The following ZBTB20 variants were observed in gnomAD, a reference collection of about 807,000 sequenced individuals.
ZBTB20 encodes the protein zinc finger and BTB domain containing 20.
ZBTB20 carries 9 observed loss-of-function variants against 56.9 expected under a neutral mutation model. That is an observed-to-expected ratio of 0.16 (90% confidence interval 0.10 to 0.28). ZBTB20 has a LOEUF of 0.28. Ranked by LOEUF, ZBTB20 falls within the 10% of genes least tolerant of loss-of-function variation. ZBTB20 has a pLI of 1.00. For missense variants in ZBTB20, 655 were observed against 1,003.0 expected, an observed-to-expected ratio of 0.65 and a Z score of 4.69; for synonymous variants, 417 against 420.7, an observed-to-expected ratio of 0.99 and a Z score of 0.11.
intron 7 of ZBTB20, among the ~76,000 whole-genome samples, chr3:114,478,484 A>G (rs1023711175): frequency 6.6e-6 from 1 of 152,250 alleles, no homozygotes; most frequent in Non-Finnish European, 1.5e-5. Context: ...TTAAAAATGC[A>G]TATCTCATTC....
chr3:114,805,863 T>C (rs689287), intron 4 of ZBTB20, among the ~76,000 whole-genome samples: 4 of 151,836 alleles, frequency 2.6e-5, no homozygotes, highest in African/African-American at 7.3e-5. Context: ...CTCTTTCATG[T>C]AGCTTTTTCA....
chr3:114,555,198 A>C (rs2110227737), intron 6 of ZBTB20, among the ~76,000 whole-genome samples: 1 of 152,278 alleles, frequency 6.6e-6, no homozygotes, highest in Non-Finnish European at 1.5e-5. Context: ...TTTTTCCCTA[A>C]AGTCTCTCAG....
chr3:114,977,124 C>G (rs987219467), intron 2 of ZBTB20, among the ~76,000 whole-genome samples: 4 of 152,172 alleles, frequency 2.6e-5, no homozygotes, highest in African/African-American at 9.7e-5. Flanking sequence ...CATGAGGCCA[C>G]TCTCTTTACT....
At chr3:115,044,381 A>C (rs1159804689) in intron 2 of ZBTB20, among the ~76,000 whole-genome samples, 1 of 152,224 alleles carries the variant, frequency 6.6e-6, no homozygotes, top group African/African-American at 2.4e-5. Context: ...ATTTATAGGT[A>C]TCAGGCATAC....
intron 7 of ZBTB20, among the ~76,000 whole-genome samples, chr3:114,418,809 A>G (rs1363310472): frequency 2.0e-5 from 3 of 152,102 alleles, no homozygotes; most frequent in African/African-American, 4.8e-5. Flanking sequence ...TACACAGGAA[A>G]GCTATGGCTA....
At chr3:114,405,582 A>G (rs2108736048) in intron 7 of ZBTB20, among the ~76,000 whole-genome samples, 1 of 152,282 alleles carries the variant, frequency 6.6e-6, no homozygotes, top group South Asian at 2.1e-4. Flanking sequence ...GTGTATATTT[A>G]TATATCAATA....
At chr3:114,601,922 T>A (rs2056788705) in intron 6 of ZBTB20, among the ~76,000 whole-genome samples, 1 of 152,078 alleles carries the variant, frequency 6.6e-6, no homozygotes, top group East Asian at 1.9e-4. Flanking sequence ...CTGTCAATAA[T>A]CTAGGTTTGA....
chr3:114,397,815 A>G (rs1458896071), intron 7 of ZBTB20, among the ~76,000 whole-genome samples: 1 of 152,088 alleles, frequency 6.6e-6, no homozygotes, highest in Non-Finnish European at 1.5e-5. Context: ...AGACTCCCCC[A>G]TCCCCCTTTT....
At chr3:114,775,725 C>T (rs917046836) in intron 5 of ZBTB20, among the ~76,000 whole-genome samples, 19 of 152,268 alleles carry the variant, frequency 1.2e-4, no homozygotes, top group African/African-American at 4.1e-4. Flanking sequence ...TAAGAATACT[C>T]AAGACCCACT....
At chr3:115,116,011 AAT>A (rs1480210161) in intron 1 of ZBTB20, among the ~76,000 whole-genome samples, 1 of 152,046 alleles carries the variant, frequency 6.6e-6, no homozygotes, top group East Asian at 1.9e-4. Context: ...AAGTGTTCAT[AAT>A]ATGTTTCAGG....
intron 1 of ZBTB20, among the ~76,000 whole-genome samples, chr3:115,137,308 G>A (rs986423348): frequency 3.3e-5 from 5 of 151,978 alleles, no homozygotes; most frequent in African/African-American, 1.2e-4. Flanking sequence ...TTAGTACCTT[G>A]TATACAAAGG....
chr3:114,328,641 T>G lies in ZBTB20; in HGVS notation c.*10364A>C, dbSNP rs1455098672. 1.3e-5 allele frequency: 2 copies of G among 152,220 alleles called. No homozygotes were observed. Among genetic ancestry groups the G allele is most frequent in the Non-Finnish European group, 2.9e-5 (2 of 68,036 alleles). 9.4% of individuals were successfully genotyped at this position (152,220 alleles called of 1,614,324 possible). On this transcript the variant is annotated 3_prime_UTR_variant, in exon 12 of 12. Coordinates refer to ENST00000675478, the MANE Select transcript of ZBTB20 (RefSeq NM_001348800.3). The stretch of plus-strand genomic sequence containing the variant: ...CACTCTCAAAAGAATATTGATAACT[T>G]TTAAACTCTGAAGCTAAAATGAAGA...
chr3:114,454,499 C>G (rs533228263), intron 7 of ZBTB20: 1 of 151,268 alleles, frequency 6.6e-6, no homozygotes, highest in Admixed American at 6.6e-5. Flanking sequence ...AATACATGCT[C>G]CCTCGGTCTC....
At chr3:114,684,617 G>A (rs917297282) in intron 6 of ZBTB20, 3 of 152,214 alleles carry the variant, frequency 2.0e-5, no homozygotes, top group African/African-American at 4.8e-5. Flanking sequence ...CTACAAGGAT[G>A]AAGGTGGGGT....
intron 5 of ZBTB20, among the ~76,000 whole-genome samples, chr3:114,712,504 T>A (rs2064154458): frequency 1.3e-5 from 2 of 151,486 alleles, no homozygotes; most frequent in African/African-American, 4.9e-5. Context: ...TTAAAAAAAA[T>A]TAGCCGGGTG....
chr3:114,470,198 T>C (rs951083772), intron 7 of ZBTB20, among the ~76,000 whole-genome samples: 2 of 152,120 alleles, frequency 1.3e-5, no homozygotes, highest in African/African-American at 2.4e-5. Flanking sequence ...CAGTCTCAGA[T>C]TACCCTATGT....
In ZBTB20 at chr3:114,595,441, T is replaced by TA. The variant is rs565116994; in HGVS notation, c.-294-95051dup. Reference sequence around the variant, plus strand: ...TTTTCTCAGTCTCAACAAGTCACCTTAAAATCTATGGTATATAGCAGATCC... The same window carrying TA: ...TTTTCTCAGTCTCAACAAGTCACCTTAAAAATCTATGGTATATAGCAGATCC... On this transcript the variant is annotated intron_variant, in intron 6 of 11. Coordinates refer to ENST00000675478, the MANE Select transcript of ZBTB20 (RefSeq NM_001348800.3). Among the ~76,000 whole-genome samples, 80 of 152,326 alleles carry TA rather than the reference T, an allele frequency of 5.3e-4. 1 individual carries two copies. Among genetic ancestry groups the TA allele is most frequent in the Admixed American group, 3.0e-3 (46 of 15,302 alleles).
intron 6 of ZBTB20, among the ~76,000 whole-genome samples, chr3:114,587,843 T>C (rs2055340171): frequency 6.6e-6 from 1 of 152,210 alleles, no homozygotes. Flanking sequence ...AGTGAGAAGA[T>C]TCTAGCTCTA....
chr3:114,572,848 T>C (rs2053582752), intron 6 of ZBTB20, among the ~76,000 whole-genome samples: 1 of 152,234 alleles, frequency 6.6e-6, no homozygotes. Context: ...GTTATGTTTA[T>C]TCATTCTTAC....
Sources: allele counts gnomAD v4.1 joint callset (sites outside exome capture counted in the v4.1 genomes callset), GRCh38; gene constraint gnomAD v4.1.1; transcripts MANE v1.5; gene names NCBI Gene and HGNC (gene_info 2026-07-23, HGNC 2026-07-21).